TTC23L: variants seen among roughly 807,000 people sequenced by gnomAD.
The protein encoded by TTC23L is tetratricopeptide repeat protein 23-like.
In TTC23L, 42 loss-of-function variants were observed where a neutral mutation model predicts 48.1. The ratio of observed to expected loss-of-function variants is 0.87; its 90% confidence interval spans 0.68 to 1.13. The LOEUF (loss-of-function observed/expected upper bound fraction) is 1.13, where lower values mean the gene tolerates loss of function less well. Ranked by LOEUF, TTC23L falls within the 50% of genes most tolerant of loss-of-function variation. The pLI is 0.00. For synonymous variants in TTC23L, 159 were observed against 157.2 expected (o/e 1.01, Z -0.09); for missense variants, 391 against 421.0 (o/e 0.93, Z 0.62).
At chr5:34,896,743 G>T (rs775823641) in intron 9 of TTC23L, 27 bp from the exon 10 acceptor site, 1 of 769,140 alleles carries the variant, frequency 1.3e-6, no homozygotes, top group South Asian at 1.4e-5. Context: ...TTCATAGAGA[G>T]GGTGACATTT....
At chr5:34,897,845 A>G (rs1365853737) in intron 10 of TTC23L, among the ~76,000 whole-genome samples, 1 of 152,238 alleles carries the variant, frequency 6.6e-6, no homozygotes, top group African/African-American at 2.4e-5. Flanking sequence ...GCCCCACTTT[A>G]GGACATAAAG....
intron 4 of TTC23L, among the ~76,000 whole-genome samples, chr5:34,857,642 TG>T (rs1198365206): frequency 1.6e-4 from 24 of 152,176 alleles, no homozygotes; most frequent in African/African-American, 5.1e-4. Flanking sequence ...AAATGGACCT[TG>T]GTAATAATAA....
intron 3 of TTC23L, among the ~76,000 whole-genome samples, chr5:34,846,173 A>T (rs766550826): frequency 2.2e-4 from 34 of 152,000 alleles, no homozygotes; most frequent in Non-Finnish European, 4.0e-4. Flanking sequence ...TAACAGAATG[A>T]GACTGTGTCT....
At chr5:34,847,961 C>A (rs1759353310) in intron 3 of TTC23L, among the ~76,000 whole-genome samples, 1 of 152,142 alleles carries the variant, frequency 6.6e-6, no homozygotes, top group Non-Finnish European at 1.5e-5. Context: ...GTTACCTGTA[C>A]ATTATTCTTC....
At chr5:34,876,532 A>G (rs1761841833) in intron 8 of TTC23L, among the ~76,000 whole-genome samples, 1 of 152,238 alleles carries the variant, frequency 6.6e-6, no homozygotes, top group African/African-American at 2.4e-5. Context: ...CTTTCATGAA[A>G]GATACAATCT....
At chr5:34,907,544 T>C in the TTC23L span, 1 of 152,360 alleles carries the variant, frequency 6.6e-6, no homozygotes, top group South Asian at 2.1e-4. Context: ...TATATTTATA[T>C]GCCACAAAAA....
intron 1 of TTC23L, 29 bp downstream of exon 1, chr5:34,839,288 C>G (rs1372619271): frequency 1.3e-5 from 2 of 152,820 alleles, no homozygotes; most frequent in Middle Eastern, 3.4e-3. Flanking sequence ...GCCGACGCAG[C>G]GGGAGGAAGC....
the TTC23L span, chr5:34,913,416 T>C: frequency 9.5e-7 from 1 of 1,052,014 alleles, no homozygotes; most frequent in South Asian, 2.1e-5. Flanking sequence ...CTTCCTGTAT[T>C]TTTCTGACCA....
At chr5:34,850,964 T>G (rs1759624375) in intron 4 of TTC23L, among the ~76,000 whole-genome samples, 1 of 152,178 alleles carries the variant, frequency 6.6e-6, no homozygotes, top group African/African-American at 2.4e-5. Context: ...CATAGCCAGC[T>G]CAAGACTCTC....
rs1580447749 is a variant in TTC23L, at chr5:34,863,135, T to C, written c.536+81T>C. On this transcript the variant is annotated intron_variant, in intron 5 of 10. Coordinates refer to ENST00000505624, the Ensembl canonical transcript of TTC23L. This position sits in a 1 kb window ranked among gnomAD's most constrained non-coding sequence, Gnocchi z 4.1. ...AGATGGGTCATCTCATACAGGAGGG[T>C]GGGAGATGGAACCAAGGCCTTGTAG... is the stretch of plus-strand genomic sequence containing the variant. 1.9e-6 allele frequency: 3 copies of C among 1,568,816 alleles called. No individual in the cohort carries two copies. The East Asian group carries it at 6.7e-5, about 35-fold the overall frequency.
chr5:34,904,598 A>G, the TTC23L span, among the ~76,000 whole-genome samples: 19 of 151,928 alleles, frequency 1.3e-4, no homozygotes, highest in African/African-American at 4.6e-4. Flanking sequence ...ATCTCAAAAA[A>G]AAAAAAAAAA....
chr5:34,865,775 C>T (rs1401041165), intron 6 of TTC23L, among the ~76,000 whole-genome samples: 2 of 152,202 alleles, frequency 1.3e-5, no homozygotes, highest in Non-Finnish European at 2.9e-5. Context: ...TCAGAACTCA[C>T]TGAAACCTTG....
chr5:34,889,708 C>T (rs1449419192), intron 9 of TTC23L, among the ~76,000 whole-genome samples: 2 of 152,156 alleles, frequency 1.3e-5, no homozygotes, highest in Admixed American at 6.5e-5. Context: ...AGCATGTTTT[C>T]TTAATCAGTA....
At chr5:34,914,967 G>A in the TTC23L span, 9 of 1,518,972 alleles carry the variant, frequency 5.9e-6, no homozygotes, top group African/African-American at 1.4e-5. Flanking sequence ...AACACCTGAA[G>A]GGATTAGACA....
intron 9 of TTC23L, among the ~76,000 whole-genome samples, chr5:34,895,668 A>G (rs894244631): frequency 6.6e-6 from 1 of 152,198 alleles, no homozygotes; most frequent in Admixed American, 6.5e-5. Flanking sequence ...TCTTGGTCAT[A>G]TGAACAAAAT....
intron 9 of TTC23L, among the ~76,000 whole-genome samples, chr5:34,881,459 C>T (rs900105328): frequency 5.9e-5 from 9 of 152,150 alleles, no homozygotes; most frequent in Non-Finnish European, 1.2e-4. Flanking sequence ...CATAAGATCC[C>T]ACATGACTTT....
At chr5:34,840,239 G>T (rs534974231) in intron 1 of TTC23L, among the ~76,000 whole-genome samples, 1 of 138,264 alleles carries the variant, frequency 7.2e-6, no homozygotes, top group South Asian at 2.5e-4. Flanking sequence ...AATGACCCCG[G>T]GGGGGGGGGG....
the TTC23L span, chr5:34,913,910 G>A: frequency 2.2e-6 from 1 of 452,626 alleles, no homozygotes; most frequent in Non-Finnish European, 4.5e-6. Flanking sequence ...TTGATACGGG[G>A]GTCTCACTAT....
rs116350528 is a variant in TTC23L at position 34,884,218 on chromosome 5, A to C, written c.1077+3910A>C. On this transcript the variant is annotated intron_variant, in intron 9 of 10. Coordinates refer to ENST00000505624, the Ensembl canonical transcript of TTC23L. ...AATTCAATACCTTTTCATGATTAAA[A>C]AGAAAAACTGCCAACAAAGAAGGAA... 3.3e-3 allele frequency among the ~76,000 whole-genome samples: 504 copies of C among 152,296 alleles called. 4 individuals carry two copies. Among genetic ancestry groups the C allele is most frequent in the Non-Finnish European group, 5.5e-3 (374 of 68,000 alleles).
Sources: gnomAD v4.1 joint callset for allele counts (sites outside exome capture counted in the v4.1 genomes callset) on GRCh38, gnomAD v4.1.1 for gene constraint, Gnocchi (gnomAD v3.1) non-coding constraint, MANE v1.5 for transcripts, NCBI Gene and HGNC (gene_info 2026-07-23, HGNC 2026-07-21) for gene names.